KCNIP4: variants seen among roughly 807,000 people sequenced by gnomAD.
KCNIP4 encodes potassium voltage-gated channel interacting protein 4.
A neutral mutation model predicts 34.0 loss-of-function variants in KCNIP4; 12 were observed. The observed-to-expected ratio is 0.35, with a 90% confidence interval of 0.23 to 0.57. The LOEUF (loss-of-function observed/expected upper bound fraction) is 0.57, where lower values mean the gene tolerates loss of function less well. Ranked by LOEUF, KCNIP4 falls within the 20% of genes least tolerant of loss-of-function variation. The pLI, the probability that KCNIP4 is intolerant of heterozygous loss-of-function variation, is 0.83. For synonymous variants in KCNIP4, 124 were observed against 102.2 expected, an observed-to-expected ratio of 1.21 and a Z score of -1.29; for missense variants, 238 against 311.7, an observed-to-expected ratio of 0.76 and a Z score of 1.78.
At chr4:20,998,128 AAAGAG>A (rs1461256030) in intron 1 of KCNIP4, among the ~76,000 whole-genome samples, 2 of 152,184 alleles carry the variant, frequency 1.3e-5, no homozygotes, top group Non-Finnish European at 2.9e-5. Context: ...AGAGAGATAG[AAAGAG>A]AAAAGAGCAA....
At chr4:21,308,322 C>G (rs924716083) in intron 1 of KCNIP4, among the ~76,000 whole-genome samples, 1 of 152,178 alleles carries the variant, frequency 6.6e-6, no homozygotes, top group African/African-American at 2.4e-5. Context: ...AATAATATTT[C>G]TAAATGATAC....
Position 20,734,755 on chromosome 4 carries a change from C to T in KCNIP4, c.430-20G>A. On this transcript the variant is annotated intron_variant, in intron 5 of 8. Coordinates refer to ENST00000382152, the MANE Select transcript of KCNIP4 (RefSeq NM_025221.6). ...GAAATCCTGAAAAGAAATAAAAATT[C>T]AATTTTATATGACATTTTTAAAAAA... 1 of 1,379,712 alleles carries T rather than the reference C, an allele frequency of 7.2e-7. No homozygotes were observed. The highest frequency in any genetic ancestry group is 1.0e-6 in the Non-Finnish European group (1 of 997,614). 85.5% of individuals were successfully genotyped at this position (1,379,712 alleles called of 1,614,324 possible).
chr4:21,778,914 G>A (rs1201508719), intron 1 of KCNIP4, among the ~76,000 whole-genome samples: 3 of 152,070 alleles, frequency 2.0e-5, no homozygotes, highest in South Asian at 2.1e-4. Context: ...TTTGTAAAAT[G>A]AGGAAGGTAC....
At chr4:20,946,657 T>A (rs1732221339) in intron 1 of KCNIP4, among the ~76,000 whole-genome samples, 1 of 152,200 alleles carries the variant, frequency 6.6e-6, no homozygotes, top group Non-Finnish European at 1.5e-5. Context: ...CTGTCCTTGA[T>A]CTTTTCCTCC....
chr4:21,282,798 T>C (rs1206340528), intron 1 of KCNIP4, among the ~76,000 whole-genome samples: 1 of 152,222 alleles, frequency 6.6e-6, no homozygotes, highest in Non-Finnish European at 1.5e-5. Flanking sequence ...CACTCTTTCT[T>C]AAACATGACA....
At chr4:21,623,360 A>G (rs1373291543) in intron 1 of KCNIP4, among the ~76,000 whole-genome samples, 2 of 152,216 alleles carry the variant, frequency 1.3e-5, no homozygotes, top group Non-Finnish European at 2.9e-5. Flanking sequence ...GATTACACCT[A>G]TGAGGACAGG....
chr4:21,519,738 A>G (rs1459673234), intron 1 of KCNIP4, among the ~76,000 whole-genome samples: 20 of 114,266 alleles, frequency 1.8e-4, no homozygotes, highest in African/African-American at 5.3e-4. Flanking sequence ...GTGTATATGT[A>G]TGATACACAC....
intron 3 of KCNIP4, among the ~76,000 whole-genome samples, chr4:20,815,644 C>A (rs1716278296): frequency 6.6e-6 from 1 of 152,166 alleles, no homozygotes; most frequent in South Asian, 2.1e-4. Flanking sequence ...GGAATGCTAA[C>A]TTCTTGCAAA....
intron 1 of KCNIP4, among the ~76,000 whole-genome samples, chr4:21,000,252 C>T (rs993983158): frequency 2.0e-5 from 3 of 152,286 alleles, no homozygotes; most frequent in Middle Eastern, 3.4e-3. Context: ...TCCTTCATGA[C>T]TCCTCTAATA....
At chr4:21,474,012 C>G (rs1395859141) in intron 1 of KCNIP4, among the ~76,000 whole-genome samples, 1 of 152,122 alleles carries the variant, frequency 6.6e-6, no homozygotes, top group Admixed American at 6.6e-5. Flanking sequence ...CCACTCCCGG[C>G]CCAGGCAACT....
intron 1 of KCNIP4, among the ~76,000 whole-genome samples, chr4:21,669,593 T>C (rs143943514): frequency 3.2e-4 from 48 of 151,958 alleles, no homozygotes; most frequent in Admixed American, 2.4e-3. Context: ...TGTGCTGAGA[T>C]GGGCACTCCT....
At position 21,814,479 on chromosome 4, in the gene KCNIP4, C is replaced by T. The variant is rs116451749; in HGVS notation, c.61+134092G>A. Among the ~76,000 whole-genome samples, 1,009 of 152,218 alleles carry T rather than the reference C, an allele frequency of 6.6e-3. 17 individuals are homozygous for T. Among genetic ancestry groups the T allele is most frequent in the African/African-American group, 0.023 (953 of 41,548 alleles). On this transcript the variant is annotated intron_variant, in intron 1 of 8. Coordinates refer to ENST00000382152, the MANE Select transcript of KCNIP4 (RefSeq NM_025221.6). ...CCTGCACAAGCTCTCTCCTGCCTGT[C>T]GCCACGTAAGACGTCCCTTGATCTT...
chr4:21,281,800 A>G (rs1160371765), intron 1 of KCNIP4, among the ~76,000 whole-genome samples: 1 of 152,198 alleles, frequency 6.6e-6, no homozygotes, highest in African/African-American at 2.4e-5. Context: ...AACACTCTGA[A>G]ATTGCCAACT....
At chr4:21,118,146 C>A (rs1749844720) in intron 1 of KCNIP4, among the ~76,000 whole-genome samples, 1 of 152,086 alleles carries the variant, frequency 6.6e-6, no homozygotes, top group South Asian at 2.1e-4. Context: ...TTGTGAACCA[C>A]CACCTTATCA....
At chr4:21,593,561 C>G (rs1328615073) in intron 1 of KCNIP4, among the ~76,000 whole-genome samples, 1 of 152,070 alleles carries the variant, frequency 6.6e-6, no homozygotes, top group East Asian at 1.9e-4. Context: ...GACTCATTAC[C>G]TTCTCCAGCT....
At chr4:21,598,750 AC>A (rs1742855757) in intron 1 of KCNIP4, among the ~76,000 whole-genome samples, 1 of 152,086 alleles carries the variant, frequency 6.6e-6, no homozygotes, top group African/African-American at 2.4e-5. Context: ...CAAGATCTAC[AC>A]ATGAGCACCC....
chr4:21,025,219 A>G (rs1446475473), intron 1 of KCNIP4, among the ~76,000 whole-genome samples: 1 of 152,136 alleles, frequency 6.6e-6, no homozygotes, highest in Admixed American at 6.5e-5. Context: ...TGACCCCCAT[A>G]CAGGTGAGGT....
intron 1 of KCNIP4, among the ~76,000 whole-genome samples, chr4:21,833,913 A>G (rs1230102989): frequency 2.6e-5 from 4 of 151,976 alleles, no homozygotes; most frequent in African/African-American, 4.8e-5. Context: ...GATATGCGGC[A>G]TTATTTCTGA....
Position 21,094,577 on chromosome 4 carries a change from G to A in KCNIP4, c.62-211868C>T, listed in dbSNP as rs144819757. 4.6e-5 allele frequency among the ~76,000 whole-genome samples: 7 copies of A among 152,246 alleles called. No homozygotes were observed. In the East Asian group the frequency reaches 7.7e-4, roughly 17 times the overall value. On this transcript the variant is annotated intron_variant, in intron 1 of 8. Transcript: ENST00000382152. ...CCCCTAGATGGTTCCAATGAGCCTCGTCTCCTGATAATCACATCCTTGTGG... is the reference window on the plus strand; with the variant it reads ...CCCCTAGATGGTTCCAATGAGCCTCATCTCCTGATAATCACATCCTTGTGG...
Sources: allele counts gnomAD v4.1 joint callset (sites outside exome capture counted in the v4.1 genomes callset), GRCh38; gene constraint gnomAD v4.1.1; transcripts MANE v1.5; gene names NCBI Gene and HGNC (gene_info 2026-07-23, HGNC 2026-07-21).